The following IMMP1L variants were observed in gnomAD, a reference collection of about 807,000 sequenced individuals.
The protein encoded by IMMP1L is inner mitochondrial membrane peptidase subunit 1, also known as mitochondrial inner membrane protease subunit 1.
A neutral mutation model predicts 21.8 loss-of-function variants in IMMP1L; 24 were observed. That is an observed-to-expected ratio of 1.10 (90% CI 0.80 to 1.55). The LOEUF (loss-of-function observed/expected upper bound fraction) is 1.55. Ranked by LOEUF, IMMP1L falls within the 40% of genes most tolerant of loss-of-function variation. The probability of loss-of-function intolerance (pLI) is 0.00; values close to 1 mark genes in which losing one functional copy is unlikely to be tolerated. For missense variants in IMMP1L, 195 were observed against 200.7 expected (o/e 0.97, Z 0.17); for synonymous variants, 46 against 62.8 (o/e 0.73, Z 1.26).
At chr11:31,469,316 C>T (rs1210641571) in intron 1 of IMMP1L, among the ~76,000 whole-genome samples, 6 of 151,638 alleles carry the variant, frequency 4.0e-5, no homozygotes, top group African/African-American at 1.5e-4. Flanking sequence ...AGGTATTGCA[C>T]TTAACATATG....
At chr11:31,448,274 G>C (rs1953609926) in intron 4 of IMMP1L, among the ~76,000 whole-genome samples, 1 of 152,156 alleles carries the variant, frequency 6.6e-6, no homozygotes, top group South Asian at 2.1e-4. Context: ...GTGCACTGCA[G>C]TCCAACCTGG....
intron 1 of IMMP1L, among the ~76,000 whole-genome samples, chr11:31,502,309 T>G (rs1955647081): frequency 6.6e-6 from 1 of 152,236 alleles, no homozygotes; most frequent in Non-Finnish European, 1.5e-5. Flanking sequence ...AATTATGTAA[T>G]AAATGGATCC....
At chr11:31,436,468 T>C (rs1000013263) in intron 4 of IMMP1L, among the ~76,000 whole-genome samples, 1 of 152,170 alleles carries the variant, frequency 6.6e-6, no homozygotes, top group Non-Finnish European at 1.5e-5. Flanking sequence ...AGTCTTGCTC[T>C]GTTGCCCAGG....
At position 31,442,674 on chromosome 11, in the gene IMMP1L, G is replaced by A. The variant is rs908823070; in HGVS notation, c.322-9104C>T. On this transcript the variant is annotated intron_variant, in intron 4 of 5. Coordinates refer to ENST00000532287, the MANE Select transcript of IMMP1L (RefSeq NM_001304274.2). ...CTTCTTTAATGGTTCTAAAATGACC[G>A]CAAAGAAAACAAAACAATAGTCATG... is the stretch of plus-strand genomic sequence containing the variant. Among the ~76,000 whole-genome samples the A allele has an allele frequency of 1.3e-4, 20 of 152,114 alleles. No individual in the cohort carries two copies. The East Asian group carries it at 2.3e-3, about 18-fold the overall frequency.
chr11:31,499,672 ATGAAATTCAAATTTCAG>A (rs1290519222), intron 1 of IMMP1L, among the ~76,000 whole-genome samples: 4 of 152,192 alleles, frequency 2.6e-5, no homozygotes, highest in African/African-American at 7.2e-5. Context: ...TGAAAACTAC[ATGAAATTCAAATTTCAG>A]TGTCCACAAA....
intron 1 of IMMP1L, among the ~76,000 whole-genome samples, chr11:31,468,577 A>C (rs989584366): frequency 6.6e-6 from 1 of 152,138 alleles, no homozygotes; most frequent in Non-Finnish European, 1.5e-5. Flanking sequence ...GGGTGACTTC[A>C]TTCATTCAAC....
chr11:31,474,053 T>C (rs965635792), intron 1 of IMMP1L, among the ~76,000 whole-genome samples: 1 of 152,096 alleles, frequency 6.6e-6, no homozygotes, highest in South Asian at 2.1e-4. Context: ...CAGAAACAAG[T>C]TAGATAGGGA....
intron 1 of IMMP1L, among the ~76,000 whole-genome samples, chr11:31,505,980 G>A (rs1955764201): frequency 6.6e-6 from 1 of 152,176 alleles, no homozygotes; most frequent in African/African-American, 2.4e-5. Context: ...TTAAGTTTGG[G>A]AGGGGTCAAA....
At position 31,472,905 on chromosome 11, in the gene IMMP1L, G is replaced by A. The variant is rs1324739855; in HGVS notation, c.-29-9600C>T. 2.6e-5 allele frequency among the ~76,000 whole-genome samples: 4 copies of A among 151,534 alleles called. No individual in the cohort carries two copies. The Middle Eastern group carries it at 0.01, about 392-fold the overall frequency. ...TTTTGAGATGGAGTGTCGCTCTGTC[G>A]TCCAGGCTGGAGTGCAGTGGCGCAA... On this transcript the variant is annotated intron_variant, in intron 1 of 5. Transcript: ENST00000532287.
intron 1 of IMMP1L, among the ~76,000 whole-genome samples, chr11:31,505,957 A>G (rs1445617504): frequency 1.3e-5 from 2 of 152,226 alleles, no homozygotes; most frequent in East Asian, 3.9e-4. Flanking sequence ...AGTCAAAAGT[A>G]GACTATTAGC....
intron 4 of IMMP1L, among the ~76,000 whole-genome samples, chr11:31,442,391 A>G (rs968935029): frequency 6.6e-6 from 1 of 152,200 alleles, no homozygotes; most frequent in African/African-American, 2.4e-5. Flanking sequence ...ATTCAAGTGA[A>G]ATCTGATGAA....
intron 1 of IMMP1L, among the ~76,000 whole-genome samples, chr11:31,487,912 T>C (rs1955136124): frequency 6.6e-6 from 1 of 152,176 alleles, no homozygotes; most frequent in African/African-American, 2.4e-5. Flanking sequence ...ATAGCACCTT[T>C]ATAATAGTTG....
intron 4 of IMMP1L, among the ~76,000 whole-genome samples, chr11:31,446,618 T>G (rs1953532885): frequency 3.3e-5 from 5 of 152,200 alleles, no homozygotes; most frequent in Admixed American, 3.3e-4. Context: ...TGCCATACAC[T>G]GGAACTCTTA....
At chr11:31,486,372 T>C (rs1001973062) in intron 1 of IMMP1L, among the ~76,000 whole-genome samples, 2 of 151,922 alleles carry the variant, frequency 1.3e-5, no homozygotes, top group African/African-American at 4.8e-5. Context: ...GATATGTTAC[T>C]AAATAGAATA....
intron 1 of IMMP1L, among the ~76,000 whole-genome samples, chr11:31,482,772 T>C (rs568326333): frequency 6.6e-6 from 1 of 152,142 alleles, no homozygotes; most frequent in African/African-American, 2.4e-5. Context: ...ACAAACATTT[T>C]AGAAAACTGT....
intron 1 of IMMP1L, among the ~76,000 whole-genome samples, chr11:31,497,615 C>T (rs377654359): frequency 2.0e-5 from 3 of 152,104 alleles, no homozygotes; most frequent in African/African-American, 7.2e-5. Flanking sequence ...GCACGCGCTA[C>T]CACGCCCAGC....
At chr11:31,458,243 C>A (rs1017426043) in intron 3 of IMMP1L, among the ~76,000 whole-genome samples, 1 of 152,044 alleles carries the variant, frequency 6.6e-6, no homozygotes. Context: ...TACATATCGG[C>A]TGGATTCTTA....
At chr11:31,454,725 A>G (rs2133623018) in intron 4 of IMMP1L, among the ~76,000 whole-genome samples, 1 of 152,324 alleles carries the variant, frequency 6.6e-6, no homozygotes, top group South Asian at 2.1e-4. Context: ...TTCTCTGATT[A>G]CTTAGCAAAG....
intron 4 of IMMP1L, chr11:31,452,315 T>G (rs1399910893): frequency 8.1e-6 from 8 of 983,768 alleles, no homozygotes; most frequent in Non-Finnish European, 9.7e-6. Flanking sequence ...AATATTATAC[T>G]AATAAACATT....
Sources: allele counts gnomAD v4.1 joint callset (sites outside exome capture counted in the v4.1 genomes callset), GRCh38; gene constraint gnomAD v4.1.1; transcripts MANE v1.5; gene names NCBI Gene and HGNC (gene_info 2026-07-23, HGNC 2026-07-21).